Variants in ARHGEF6 observed in about 807,000 individuals in gnomAD.
The protein encoded by ARHGEF6 is Rac/Cdc42 guanine nucleotide exchange factor 6.
ARHGEF6 carries 9 observed loss-of-function variants against 70.3 expected under a neutral mutation model. The observed-to-expected ratio is 0.13, with a 90% confidence interval of 0.08 to 0.22. ARHGEF6 has a LOEUF of 0.22. Among genes scored for constraint, ARHGEF6 ranks in the 10% least tolerant of loss-of-function variants. The pLI is 1.00. For missense variants in ARHGEF6, 470 were observed against 563.0 expected (o/e 0.83, Z 1.67); for synonymous variants, 201 against 207.8 (o/e 0.97, Z 0.28).
At chrX:136,676,805 C>T (rs1397437256) in intron 17 of ARHGEF6, 88 bp from the exon 18 acceptor site, 1 of 649,072 alleles carries the variant, frequency 1.5e-6, no homozygotes, top group Admixed American at 2.5e-5. Flanking sequence ...GAATTCCTCT[C>T]TCTTATTTTG....
chrX:136,697,630 C>A (rs757591547), intron 9 of ARHGEF6, among the ~76,000 whole-genome samples: 2 of 112,405 alleles, frequency 1.8e-5, no homozygotes, highest in Admixed American at 9.4e-5. Flanking sequence ...AGAGTGACTG[C>A]ATGCCTGACC....
At chrX:136,759,910 G>A (rs1190149692) in intron 2 of ARHGEF6, among the ~76,000 whole-genome samples, 4 of 112,173 alleles carry the variant, frequency 3.6e-5, no homozygotes, top group African/African-American at 1.3e-4. Flanking sequence ...TAATTAGGAA[G>A]GTAAATCTTC....
intron 6 of ARHGEF6, among the ~76,000 whole-genome samples, chrX:136,726,223 G>C (rs1373910254): frequency 9.0e-6 from 1 of 111,407 alleles, no homozygotes; most frequent in Non-Finnish European, 1.9e-5. Context: ...TGATTTCTAT[G>C]CCAGTAGAAC....
intron 9 of ARHGEF6, among the ~76,000 whole-genome samples, chrX:136,692,878 T>C (rs1200324578): frequency 1.8e-5 from 2 of 111,917 alleles, no homozygotes; most frequent in Non-Finnish European, 3.8e-5. Flanking sequence ...ATCACATCTT[T>C]AAAAACTACC....
intron 2 of ARHGEF6, among the ~76,000 whole-genome samples, chrX:136,754,129 C>T (rs182233990): frequency 1.2e-3 from 130 of 112,032 alleles, no homozygotes; most frequent in African/African-American, 3.8e-3. Context: ...CACCATAGGA[C>T]TCCCATTCTT....
At chrX:136,772,845 A>G in intron 2 of ARHGEF6, among the ~76,000 whole-genome samples, 1 of 112,176 alleles carries the variant, frequency 8.9e-6, no homozygotes, top group Non-Finnish European at 1.9e-5. Flanking sequence ...CCTGGGAGAC[A>G]GAGCAAGACT....
intron 6 of ARHGEF6, among the ~76,000 whole-genome samples, chrX:136,726,930 T>C (rs1022697362): frequency 2.7e-5 from 3 of 112,540 alleles, no homozygotes; most frequent in Non-Finnish European, 5.6e-5. Context: ...GAATTTCATC[T>C]TACAAGGGAT....
At chrX:136,723,375 T>A (rs1049633556) in intron 6 of ARHGEF6, among the ~76,000 whole-genome samples, 1 of 112,081 alleles carries the variant, frequency 8.9e-6, no homozygotes. Flanking sequence ...ATAAAAACTC[T>A]TCTGTTTTTT....
chrX:136,732,302 A>T (rs1381249648), intron 5 of ARHGEF6, 130 bp from the exon 6 acceptor site: 1 of 534,813 alleles, frequency 1.9e-6, no homozygotes, highest in Non-Finnish European at 3.2e-6. Flanking sequence ...TTCCTAAACA[A>T]ATGAAACTAC....
chrX:136,778,614 C>T (rs12392976), intron 2 of ARHGEF6, among the ~76,000 whole-genome samples: 2 of 110,220 alleles, frequency 1.8e-5, no homozygotes, highest in Non-Finnish European at 3.8e-5. Context: ...CTCAGCCTCC[C>T]GAGTAGCTGG....
At chrX:136,696,559 G>A (rs777418127) in intron 9 of ARHGEF6, among the ~76,000 whole-genome samples, 6 of 110,648 alleles carry the variant, frequency 5.4e-5, no homozygotes, top group East Asian at 2.8e-4. Context: ...TCAAGGCTGC[G>A]TTGAGTTATG....
intron 2 of ARHGEF6, among the ~76,000 whole-genome samples, chrX:136,762,220 C>A (rs941752827): frequency 4.5e-5 from 5 of 112,123 alleles, no homozygotes; most frequent in African/African-American, 1.6e-4. Flanking sequence ...GCCTGCCCTT[C>A]CAATTTTTTT....
chrX:136,734,290 G>T lies in ARHGEF6; in HGVS notation c.662-2118C>A, dbSNP rs774296039. ...GTTCATAAGGCTTTCCTGGGAAAAT[G>T]TGACCACTATCAGAAATGAAACAGG... On this transcript the variant is annotated intron_variant, in intron 5 of 21. Coordinates refer to ENST00000250617, the MANE Select transcript of ARHGEF6 (RefSeq NM_004840.3). 5.4e-5 allele frequency among the ~76,000 whole-genome samples: 6 copies of T among 111,665 alleles called. No homozygotes were observed. In the East Asian group the frequency reaches 1.7e-3, roughly 31 times the overall value.
chrX:136,769,032 G>A (rs778874818), intron 2 of ARHGEF6, among the ~76,000 whole-genome samples: 22 of 110,529 alleles, frequency 2.0e-4, no homozygotes, highest in African/African-American at 7.2e-4. Flanking sequence ...AGAGAGGGAA[G>A]GAGGAAGAAA....
At chrX:136,736,618 G>GATGTGTGTATGTATGT (rs58741198) in intron 5 of ARHGEF6, among the ~76,000 whole-genome samples, 3 of 103,708 alleles carry the variant, frequency 2.9e-5, no homozygotes, top group African/African-American at 1.1e-4. Flanking sequence ...GTTAAAAAGA[G>GATGTGTGTATGTATGT]GTGTGTGTGT....
Position 136,680,894 on chromosome X carries a change from G to C in ARHGEF6, c.1559-18C>G. On this transcript the variant is annotated intron_variant, in intron 14 of 21. Transcript: ENST00000250617. ...TGTGTTACCTACATCCCCCAATTAT[G>C]ATCAGTTTGAAAACAAAAGGCAAGG... is the stretch of plus-strand genomic sequence containing the variant. The C allele has an allele frequency of 8.3e-7, 1 of 1,210,632 alleles. No homozygotes were observed. Among genetic ancestry groups the C allele is most frequent in the Non-Finnish European group, 1.1e-6 (1 of 894,693 alleles).
intron 5 of ARHGEF6, among the ~76,000 whole-genome samples, chrX:136,733,003 TCTC>T (rs924844714): frequency 2.7e-5 from 3 of 111,581 alleles, no homozygotes; most frequent in African/African-American, 9.8e-5. Context: ...AGGAAATTAT[TCTC>T]TTTTAAGTAT....
chrX:136,666,132 GAAC>G lies in ARHGEF6; in HGVS notation c.*1894_*1896del, dbSNP rs1384590336. On this transcript the variant is annotated 3_prime_UTR_variant, in exon 22 of 22. Transcript: ENST00000250617. ...ATCTAAATGGCTGTGCTAAAAAACA[GAAC>G]AACAGCCATTCCTAGAAATTTCTTT... The G allele has an allele frequency of 1.8e-5, 2 of 112,351 alleles. No individual in the cohort carries two copies. The highest frequency in any genetic ancestry group is 3.8e-5 in the Non-Finnish European group (2 of 53,265). The allele number at this position is 112,351 out of a possible 1,213,427, so 9.3% of individuals were successfully genotyped here.
chrX:136,756,888 A>G (rs1351531077), intron 2 of ARHGEF6, among the ~76,000 whole-genome samples: 1 of 112,358 alleles, frequency 8.9e-6, no homozygotes, highest in Non-Finnish European at 1.9e-5. Flanking sequence ...CTTACTCCAA[A>G]CAGGATTTGC....
Sources: allele counts gnomAD v4.1 joint callset (sites outside exome capture counted in the v4.1 genomes callset), GRCh38; gene constraint gnomAD v4.1.1; transcripts MANE v1.5; gene names NCBI Gene and HGNC (gene_info 2026-07-23, HGNC 2026-07-21).